The following PLEKHG4B variants were observed in gnomAD, a reference collection of about 807,000 sequenced individuals.
PLEKHG4B encodes the protein pleckstrin homology domain-containing family G member 4B.
In PLEKHG4B, 111 loss-of-function variants were observed where a neutral mutation model predicts 121.3. The ratio of observed to expected loss-of-function variants is 0.92; its 90% CI spans 0.78 to 1.07. PLEKHG4B has a LOEUF of 1.07. Ranked by LOEUF, PLEKHG4B falls within the 50% of genes least tolerant of loss-of-function variation. The pLI is 0.00. For missense variants in PLEKHG4B, 1,831 were observed against 1,757.8 expected, an observed-to-expected ratio of 1.04 and a Z score of -0.74; for synonymous variants, 738 against 725.0, an observed-to-expected ratio of 1.02 and a Z score of -0.29.
rs146828185 is a variant in PLEKHG4B, at chr5:163,314, A to T, written c.3242A>T (p.Lys1081Met). The change falls in exon 13 of 20, where the codon AAG (lysine) becomes ATG (methionine). Residue 1081 changes from lysine (K) to methionine (M), a missense_variant. Transcript: ENST00000637938. ...AAACATCCCCAGAAGAAAATGATAA[A>T]GAAAACGCAAAGTTTCGAGATACCT... is the stretch of plus-strand genomic sequence containing the variant. ...PRKHPQKKMI[K>M]KTQSFEIPQP... is the part of the protein sequence containing the mutation. 19 of 1,613,160 alleles carry T rather than the reference A, an allele frequency of 1.2e-5. No individual in the cohort carries two copies. Among genetic ancestry groups the T allele is most frequent in the Admixed American group, 1.0e-4 (6 of 60,006 alleles).
At chr5:118,100 A>T (rs1734356647) in intron 2 of PLEKHG4B, among the ~76,000 whole-genome samples, 1 of 152,236 alleles carries the variant, frequency 6.6e-6, no homozygotes, top group South Asian at 2.1e-4. Context: ...GGCAATGTTC[A>T]TAACAAACTA....
At chr5:103,069 C>T (rs921603870) in intron 1 of PLEKHG4B, among the ~76,000 whole-genome samples, 2 of 152,186 alleles carry the variant, frequency 1.3e-5, no homozygotes, top group African/African-American at 4.8e-5. Flanking sequence ...CCGATCCTTC[C>T]CTGGCCCAGG....
intron 13 of PLEKHG4B, among the ~76,000 whole-genome samples, chr5:168,067 G>T (rs1222267382): frequency 4.6e-5 from 7 of 152,180 alleles, no homozygotes; most frequent in African/African-American, 1.4e-4. Flanking sequence ...TCTGGGTCCT[G>T]CCCTGCCCTG....
intron 1 of PLEKHG4B, among the ~76,000 whole-genome samples, chr5:103,015 G>A (rs1733868790): frequency 6.6e-6 from 1 of 152,164 alleles, no homozygotes. Context: ...CAGGAAGTTT[G>A]CACCCCTCCA....
intron 17 of PLEKHG4B, 24 bp downstream of exon 17, chr5:173,091 G>A (rs765022869): frequency 6.2e-7 from 1 of 1,608,990 alleles, no homozygotes. Context: ...GGTCCGATTG[G>A]GTGCAGGCCG....
intron 18 of PLEKHG4B, among the ~76,000 whole-genome samples, chr5:175,614 A>AG (rs1736737597): frequency 9.0e-6 from 1 of 111,492 alleles, no homozygotes; most frequent in African/African-American, 3.8e-5. Context: ...CTGAGCCCTG[A>AG]CCCCTCCAGG....
At chr5:174,195 C>A in intron 18 of PLEKHG4B, 97 bp downstream of exon 18, 2 of 659,134 alleles carry the variant, frequency 3.0e-6, no homozygotes. Context: ...GGGCTGAGTC[C>A]AGGGGCCAGG....
chr5:122,336 A>G (rs893398182), intron 2 of PLEKHG4B, among the ~76,000 whole-genome samples: 1 of 152,210 alleles, frequency 6.6e-6, no homozygotes, highest in Non-Finnish European at 1.5e-5. Context: ...TGTAAAAGGC[A>G]GAAATGGACA....
intron 5 of PLEKHG4B, 129 bp downstream of exon 5, chr5:143,632 C>G: frequency 8.7e-7 from 1 of 1,145,992 alleles, no homozygotes; most frequent in South Asian, 1.4e-5. Context: ...CCTCATCTTT[C>G]AGAGCAGTCA....
chr5:147,069 G>A (rs957707342), intron 6 of PLEKHG4B, among the ~76,000 whole-genome samples: 1 of 152,172 alleles, frequency 6.6e-6, no homozygotes, highest in African/African-American at 2.4e-5. Context: ...TGGCTGGCCT[G>A]GGAGCAAGTG....
chr5:135,775 A>G (rs1026887839), intron 2 of PLEKHG4B, among the ~76,000 whole-genome samples: 4 of 138,404 alleles, frequency 2.9e-5, no homozygotes, highest in East Asian at 4.3e-4. Flanking sequence ...GTGCAATCCT[A>G]TTAAAGTCTC....
Position 106,657 on chromosome 5 carries a change from A to G in PLEKHG4B, c.46-6594A>G, listed in dbSNP as rs111553359. 5.5e-3 allele frequency among the ~76,000 whole-genome samples: 841 copies of G among 152,304 alleles called. 10 individuals carry two copies. The highest frequency in any genetic ancestry group is 0.019 in the African/African-American group (789 of 41,556). ...ACTCTGCAAGCTCCATGCATTGCTG[A>G]ATTTACGAGTGGCTCCCCCTGCAGC... On this transcript the variant is annotated intron_variant, in intron 1 of 19. Transcript: ENST00000637938.
At position 171,083 on chromosome 5, in the gene PLEKHG4B, A is replaced by G. The variant is rs150006398; in HGVS notation, c.3770A>G (p.Lys1257Arg). The G allele has an allele frequency of 1.9e-6, 3 of 1,613,382 alleles. No homozygotes were observed. The highest frequency in any genetic ancestry group is 2.2e-5 in the East Asian group (1 of 44,854). The change falls in exon 15 of 20, where the codon AAG (lysine) becomes AGG (arginine). Residue 1257 changes from lysine to arginine, a missense_variant. Physicochemically the swap from Lys to Arg is conservative, Grantham distance 26. Coordinates refer to ENST00000637938, the MANE Select transcript of PLEKHG4B (RefSeq NM_052909.5). ...ATGTACGTGATCTACAGCAAAAACA[A>G]GCCGCAGTCGGATGCCCTGCTCAGC... ...FGMYVIYSKN[K>R]PQSDALLSSH...
intron 1 of PLEKHG4B, among the ~76,000 whole-genome samples, chr5:110,750 G>A (rs1307491500): frequency 6.6e-5 from 10 of 151,428 alleles, no homozygotes; most frequent in African/African-American, 9.7e-5. Flanking sequence ...TGCAACAAAC[G>A]TGCACACATC....
At chr5:147,919 G>A (rs189861039) in intron 6 of PLEKHG4B, among the ~76,000 whole-genome samples, 2 of 152,264 alleles carry the variant, frequency 1.3e-5, no homozygotes, top group Admixed American at 1.3e-4. Flanking sequence ...TTCCTGGAAT[G>A]CAAGGATGGT....
chr5:134,412 A>G (rs1421071041), intron 2 of PLEKHG4B, among the ~76,000 whole-genome samples: 1 of 151,880 alleles, frequency 6.6e-6, no homozygotes, highest in African/African-American at 2.4e-5. Context: ...AGAAATCACC[A>G]CTAAAGAAAT....
chr5:150,274 T>C (rs1331603730), intron 6 of PLEKHG4B, among the ~76,000 whole-genome samples: 1 of 152,104 alleles, frequency 6.6e-6, no homozygotes, highest in Non-Finnish European at 1.5e-5. Flanking sequence ...AGACAAACAT[T>C]CCACTTCTAT....
intron 2 of PLEKHG4B, among the ~76,000 whole-genome samples, chr5:132,747 T>G (rs1734815137): frequency 1.3e-5 from 2 of 152,326 alleles, no homozygotes; most frequent in South Asian, 2.1e-4. Flanking sequence ...GTTCCATTGG[T>G]TTATACACCT....
chr5:168,108 C>T (rs547837839), intron 13 of PLEKHG4B, among the ~76,000 whole-genome samples: 95 of 152,272 alleles, frequency 6.2e-4, no homozygotes, highest in African/African-American at 2.2e-3. Context: ...CTTCGGGCAG[C>T]CACAGAGGAG....
Sources: allele counts gnomAD v4.1 joint callset (sites outside exome capture counted in the v4.1 genomes callset), GRCh38; gene constraint gnomAD v4.1.1; transcripts MANE v1.5; gene names NCBI Gene and HGNC (gene_info 2026-07-23, HGNC 2026-07-21).